Variants in BOLL observed in about 807,000 individuals in gnomAD.
BOLL encodes the protein boule RNA binding protein.
Under a neutral mutation model 44.4 loss-of-function variants are expected in BOLL, and 23 were observed. The observed-to-expected ratio is 0.52, with a 90% CI of 0.37 to 0.73. The LOEUF (loss-of-function observed/expected upper bound fraction) is 0.73. Ranked by LOEUF, BOLL falls within the 30% of genes least tolerant of loss-of-function variation. The probability of loss-of-function intolerance (pLI) is 0.00; values close to 1 mark genes in which losing one functional copy is unlikely to be tolerated. For missense variants in BOLL, 287 were observed against 338.3 expected (o/e 0.85, Z 1.19); for synonymous variants, 97 against 110.8 (o/e 0.88, Z 0.78).
At chr2:197,785,371 G>T (rs1010396112), upstream of BOLL, 97 of 985,836 alleles carry the variant, frequency 9.8e-5, no homozygotes, top group Admixed American at 3.1e-4. The surrounding 1 kb of genome is among the most constrained non-coding windows in gnomAD (Gnocchi z 6.7). Flanking sequence ...GGCGGGACGG[G>T]GCGGGGCGGG....
intron 9 of BOLL, among the ~76,000 whole-genome samples, chr2:197,748,746 T>C (rs1200078007): frequency 1.3e-5 from 2 of 152,232 alleles, no homozygotes; most frequent in East Asian, 1.9e-4. Context: ...CAGGGGCTTA[T>C]AGATAAAACT....
intron 7 of BOLL, among the ~76,000 whole-genome samples, chr2:197,765,299 CA>C (rs1332920758): frequency 6.6e-6 from 1 of 151,424 alleles, no homozygotes; most frequent in African/African-American, 2.4e-5. Flanking sequence ...CTCATGTAAC[CA>C]AATACCATCT....
chr2:197,732,449 A>T (rs1463977653), intron 10 of BOLL, among the ~76,000 whole-genome samples: 3 of 152,190 alleles, frequency 2.0e-5, no homozygotes, highest in Non-Finnish European at 4.4e-5. Context: ...AATCCTCCCT[A>T]ACTCATTTTA....
chr2:197,755,598 A>T (rs1022281540), intron 9 of BOLL, among the ~76,000 whole-genome samples: 5 of 152,242 alleles, frequency 3.3e-5, no homozygotes, highest in Non-Finnish European at 7.3e-5. Flanking sequence ...TTGCTGGGAC[A>T]TGGATGGAGC....
chr2:197,730,147 C>T (rs1447297546), intron 10 of BOLL, among the ~76,000 whole-genome samples: 4 of 128,332 alleles, frequency 3.1e-5, no homozygotes, highest in African/African-American at 6.4e-5. Flanking sequence ...AACCAAGGCT[C>T]GAGAACTACG....
chr2:197,736,255 A>G (rs1007204539), intron 10 of BOLL, among the ~76,000 whole-genome samples: 6 of 152,144 alleles, frequency 3.9e-5, no homozygotes, highest in Non-Finnish European at 7.4e-5. Context: ...AGGCCAACAA[A>G]AGTGAAGAGT....
At chr2:197,758,850 A>G in intron 7 of BOLL, 1 of 1,042,100 alleles carries the variant, frequency 9.6e-7, no homozygotes, top group South Asian at 1.7e-5. Flanking sequence ...ACATTAAAAA[A>G]CCAGCTTGCA....
chr2:197,734,627 C>T (rs1229630796), intron 10 of BOLL, among the ~76,000 whole-genome samples: 1 of 152,040 alleles, frequency 6.6e-6, no homozygotes, highest in Admixed American at 6.6e-5. Context: ...TACTATGCAG[C>T]CATAAAAAAT....
In BOLL at chr2:197,767,090, TA is replaced by T. The variant is rs200256496; in HGVS notation, c.481-488del. On this transcript the variant is annotated intron_variant, in intron 6 of 10. Transcript: ENST00000392296. ...ACCTATAATTAAAGCAAAGATATTT[TA>T]TTTTTATTTTAGTAATTTGACATTT... is the stretch of plus-strand genomic sequence containing the variant. 2.3e-3 allele frequency among the ~76,000 whole-genome samples: 356 copies of T among 152,178 alleles called. 1 individual carries two copies. The highest frequency in any genetic ancestry group is 8.1e-3 in the African/African-American group (338 of 41,566).
chr2:197,781,762 A>G lies in BOLL; in HGVS notation c.89T>C (p.Val30Ala). 1.2e-6 allele frequency: 2 copies of G among 1,602,410 alleles called. No homozygotes were observed. The highest frequency in any genetic ancestry group is 1.7e-6 in the Non-Finnish European group (2 of 1,172,026). ...NPTSAPRYGT[V>A]IPNRIFVGGI... is the part of the protein sequence containing the mutation. ...TCCTACAAAGATGCGATTAGGGATC[A>G]CTGTTCCATATCTTGGGGCACTTGT... The change falls in exon 2 of 11, where the codon GTG becomes GCG. Residue 30 changes from valine to alanine, a missense_variant. Transcript: ENST00000392296.
chr2:197,735,177 T>C lies in BOLL; in HGVS notation c.829-6599A>G, dbSNP rs371972683. Among the ~76,000 whole-genome samples, 35 of 152,176 alleles carry C rather than the reference T, an allele frequency of 2.3e-4. 1 individual carries two copies. In the East Asian group the frequency reaches 5.6e-3, roughly 24 times the overall value. ...GATCTATTTTCTCTCTTTAGAAGCT[T>C]TTGGAATTTTTTCTATTATTCCTGC... On this transcript the variant is annotated intron_variant, in intron 10 of 10. Coordinates refer to ENST00000392296, the MANE Select transcript of BOLL (RefSeq NM_033030.6).
At chr2:197,765,791 T>C (rs528738831) in intron 7 of BOLL, among the ~76,000 whole-genome samples, 11 of 152,024 alleles carry the variant, frequency 7.2e-5, no homozygotes, top group Non-Finnish European at 1.2e-4. Flanking sequence ...GTTACACAAA[T>C]TATTTCATAG....
In BOLL at chr2:197,744,143, G is replaced by C. The variant is rs149169304; in HGVS notation, c.730-984C>G. ...TTTCACACTGTGTCTTCAAAACCCA[G>C]TATGTATTTTACACTTAGGGGACAT... On this transcript the variant is annotated intron_variant, in intron 9 of 10. Transcript: ENST00000392296. 2.0e-5 allele frequency among the ~76,000 whole-genome samples: 3 copies of C among 152,164 alleles called. No homozygotes were observed. The East Asian group carries it at 5.8e-4, about 29-fold the overall frequency.
chr2:197,757,917 C>T (rs1464496745), intron 7 of BOLL, among the ~76,000 whole-genome samples: 2 of 152,110 alleles, frequency 1.3e-5, no homozygotes, highest in African/African-American at 4.8e-5. Flanking sequence ...ATGCTCGACA[C>T]CACTAGCCTT....
chr2:197,739,537 A>ATGC (rs1687644996), intron 10 of BOLL, among the ~76,000 whole-genome samples: 3 of 152,168 alleles, frequency 2.0e-5, no homozygotes, highest in African/African-American at 4.8e-5. Flanking sequence ...GGGTCTCACT[A>ATGC]TGCTCTCAAA....
intron 9 of BOLL, among the ~76,000 whole-genome samples, chr2:197,749,906 A>C (rs1688158436): frequency 6.6e-6 from 1 of 151,708 alleles, no homozygotes; most frequent in Non-Finnish European, 1.5e-5. Flanking sequence ...ATACTCCTTG[A>C]GAAGAGTTTG....
chr2:197,769,812 C>G (rs1434195058), intron 6 of BOLL, among the ~76,000 whole-genome samples: 3 of 152,126 alleles, frequency 2.0e-5, no homozygotes, highest in African/African-American at 7.2e-5. Context: ...AGGACCTCTT[C>G]AAGGAGAACT....
At chr2:197,750,305 TA>T (rs527249669) in intron 9 of BOLL, among the ~76,000 whole-genome samples, 86 of 152,200 alleles carry the variant, frequency 5.7e-4, no homozygotes, top group African/African-American at 2.0e-3. Context: ...AATATTAACT[TA>T]AAAGGTAAAT....
intron 9 of BOLL, 28 bp downstream of exon 9, chr2:197,756,400 G>A: frequency 6.5e-7 from 1 of 1,535,918 alleles, no homozygotes; most frequent in Non-Finnish European, 8.8e-7. Context: ...GGTAGTTATA[G>A]ATCAATTACT....
Sources: gnomAD v4.1 joint callset for allele counts (sites outside exome capture counted in the v4.1 genomes callset) on GRCh38, gnomAD v4.1.1 for gene constraint, Gnocchi (gnomAD v3.1) non-coding constraint, MANE v1.5 for transcripts, NCBI Gene and HGNC (gene_info 2026-07-23, HGNC 2026-07-21) for gene names.